C8orf34: variants seen among roughly 807,000 people sequenced by gnomAD.
The protein encoded by C8orf34 is uncharacterized protein C8orf34.
A neutral mutation model predicts 68.3 loss-of-function variants in C8orf34; 65 were observed. The observed-to-expected ratio is 0.95, with a 90% CI of 0.78 to 1.17. The LOEUF (loss-of-function observed/expected upper bound fraction) is 1.17. Among genes scored for constraint, C8orf34 ranks in the 50% most tolerant of loss-of-function variants. The probability of loss-of-function intolerance (pLI) is 0.00; values close to 1 mark genes in which losing one functional copy is unlikely to be tolerated. For missense variants in C8orf34, 664 were observed against 655.4 expected, an observed-to-expected ratio of 1.01 and a Z score of -0.14; for synonymous variants, 244 against 241.2, an observed-to-expected ratio of 1.01 and a Z score of -0.11.
chr8:68,805,935 T>C (rs1433999021), intron 12 of C8orf34, among the ~76,000 whole-genome samples: 1 of 152,096 alleles, frequency 6.6e-6, no homozygotes, highest in Non-Finnish European at 1.5e-5. Context: ...CTTGCCTTTT[T>C]TGGGATAATT....
intron 7 of C8orf34, among the ~76,000 whole-genome samples, chr8:68,566,555 C>G (rs568168502): frequency 1.3e-5 from 2 of 152,190 alleles, no homozygotes; most frequent in Admixed American, 6.5e-5. Context: ...TTCCTTAAAC[C>G]TCATGAACCA....
At chr8:68,571,396 C>G (rs888235518) in intron 7 of C8orf34, among the ~76,000 whole-genome samples, 1 of 152,226 alleles carries the variant, frequency 6.6e-6, no homozygotes, top group Non-Finnish European at 1.5e-5. Context: ...AGTCTTCTTG[C>G]TCCAAAGTTG....
rs73683567 is a variant in C8orf34, at chr8:68,565,427, C to G, written c.1105+32278C>G. Among the ~76,000 whole-genome samples, 6 of 152,110 alleles carry G rather than the reference C, an allele frequency of 3.9e-5. No homozygotes were observed. In the East Asian group the frequency reaches 1.2e-3, roughly 29 times the overall value. On this transcript the variant is annotated intron_variant, in intron 7 of 13. Transcript: ENST00000518698. The stretch of plus-strand genomic sequence containing the variant: ...TAAAATGAGTCAGTGCTCTTATTCC[C>G]CAGCTGTCTCTGAGGATATGCAAAG...
intron 8 of C8orf34, among the ~76,000 whole-genome samples, chr8:68,671,320 T>A (rs1820001100): frequency 6.6e-6 from 1 of 152,196 alleles, no homozygotes; most frequent in Non-Finnish European, 1.5e-5. Flanking sequence ...TGAACAACCA[T>A]CTGATCACTG....
intron 7 of C8orf34, among the ~76,000 whole-genome samples, chr8:68,596,206 T>A (rs1405357643): frequency 6.6e-6 from 1 of 152,062 alleles, no homozygotes; most frequent in Non-Finnish European, 1.5e-5. Context: ...TCCAGGTAAG[T>A]TTAGGAACTT....
chr8:68,686,088 G>T (rs1339848364), intron 8 of C8orf34, among the ~76,000 whole-genome samples: 1 of 151,744 alleles, frequency 6.6e-6, no homozygotes, highest in Non-Finnish European at 1.5e-5. Context: ...AAATCAGGAA[G>T]AAATAGACAG....
intron 10 of C8orf34, among the ~76,000 whole-genome samples, chr8:68,754,524 CTG>C (rs1822797164): frequency 6.6e-6 from 1 of 152,196 alleles, no homozygotes; most frequent in Admixed American, 6.5e-5. Flanking sequence ...ATTAAGTAAA[CTG>C]AACCCATCCA....
intron 7 of C8orf34, among the ~76,000 whole-genome samples, chr8:68,618,775 A>C (rs953994793): frequency 3.3e-5 from 5 of 152,190 alleles, no homozygotes; most frequent in Non-Finnish European, 7.3e-5. Context: ...TGAGAGTTCA[A>C]ATGGATCTAG....
intron 5 of C8orf34, among the ~76,000 whole-genome samples, chr8:68,516,073 A>C (rs1469826659): frequency 8.5e-5 from 13 of 152,222 alleles, no homozygotes; most frequent in Admixed American, 8.5e-4. Context: ...TTGAAATAGC[A>C]GGATCAAAAT....
At chr8:68,732,631 C>A (rs184080448) in intron 10 of C8orf34, among the ~76,000 whole-genome samples, 19 of 152,034 alleles carry the variant, frequency 1.2e-4, no homozygotes, top group African/African-American at 4.6e-4. Context: ...TTTCCAATTT[C>A]TTCCATTCAT....
chr8:68,489,731 G>T (rs1055538992), intron 5 of C8orf34, among the ~76,000 whole-genome samples: 10 of 151,962 alleles, frequency 6.6e-5, no homozygotes, highest in African/African-American at 2.4e-4. Context: ...ACAAAAAATG[G>T]TATCATATAA....
chr8:68,511,081 C>T (rs1814251849), intron 5 of C8orf34, among the ~76,000 whole-genome samples: 1 of 152,210 alleles, frequency 6.6e-6, no homozygotes, highest in Non-Finnish European at 1.5e-5. Flanking sequence ...ACCACTTTCT[C>T]CAATTGTGTC....
intron 5 of C8orf34, among the ~76,000 whole-genome samples, chr8:68,490,122 A>G (rs1199381202): frequency 1.3e-5 from 2 of 152,130 alleles, no homozygotes; most frequent in Admixed American, 6.6e-5. Context: ...TTCTTATGCC[A>G]TGAGTTTCCT....
intron 4 of C8orf34, among the ~76,000 whole-genome samples, chr8:68,478,096 G>A (rs1041091944): frequency 2.6e-5 from 4 of 152,214 alleles, no homozygotes; most frequent in African/African-American, 9.6e-5. Flanking sequence ...AATGTCTGCA[G>A]CTGGTTTGAA....
At chr8:68,646,385 G>A (rs1819172621) in intron 8 of C8orf34, among the ~76,000 whole-genome samples, 1 of 151,928 alleles carries the variant, frequency 6.6e-6, no homozygotes, top group South Asian at 2.1e-4. Context: ...ACAATATGAT[G>A]TTTTGATATA....
intron 7 of C8orf34, among the ~76,000 whole-genome samples, chr8:68,538,468 CTT>C (rs10719415): frequency 2.0e-5 from 3 of 147,074 alleles, no homozygotes; most frequent in Non-Finnish European, 3.0e-5. Flanking sequence ...CTCTAAAGTG[CTT>C]TTTTTTTTTC....
At chr8:68,708,052 CA>C (rs1425405692) in intron 8 of C8orf34, among the ~76,000 whole-genome samples, 1 of 152,028 alleles carries the variant, frequency 6.6e-6, no homozygotes, top group East Asian at 1.9e-4. Context: ...ATTAAAAGTA[CA>C]AAACCACACA....
At chr8:68,704,922 T>G (rs1170289474) in intron 8 of C8orf34, among the ~76,000 whole-genome samples, 3 of 152,184 alleles carry the variant, frequency 2.0e-5, no homozygotes, top group Non-Finnish European at 4.4e-5. Context: ...TTGAACATTC[T>G]GATAGCCTTA....
At chr8:68,425,892 G>T (rs1810190940) in intron 1 of C8orf34, among the ~76,000 whole-genome samples, 1 of 151,996 alleles carries the variant, frequency 6.6e-6, no homozygotes, top group Non-Finnish European at 1.5e-5. Flanking sequence ...ATTAATTTTT[G>T]ACAAAGACAC....
Sources: gnomAD v4.1 joint callset for allele counts (sites outside exome capture counted in the v4.1 genomes callset) on GRCh38, gnomAD v4.1.1 for gene constraint, MANE v1.5 for transcripts, NCBI Gene and HGNC (gene_info 2026-07-23, HGNC 2026-07-21) for gene names.